Variants in CHD5 observed in about 807,000 individuals in gnomAD.
CHD5 encodes chromodomain helicase DNA binding protein 5, also known as ATP-dependent chromatin remodeler CHD5.
A neutral mutation model predicts 230.3 loss-of-function variants in CHD5; 69 were observed. The observed-to-expected ratio is 0.30, with a 90% confidence interval of 0.25 to 0.37. The LOEUF (loss-of-function observed/expected upper bound fraction) is 0.37, where lower values mean the gene tolerates loss of function less well. Ranked by LOEUF, CHD5 falls within the 10% of genes least tolerant of loss-of-function variation. The pLI is 1.00. For missense variants in CHD5, 1,827 were observed against 2,622.8 expected, an observed-to-expected ratio of 0.70 and a Z score of 6.63; for synonymous variants, 1,064 against 1,065.9, an observed-to-expected ratio of 1.00 and a Z score of 0.03.
intron 20 of CHD5, among the ~76,000 whole-genome samples, chr1:6,132,989 G>C (rs895672853): frequency 6.6e-6 from 1 of 151,600 alleles, no homozygotes; most frequent in Non-Finnish European, 1.5e-5. Flanking sequence ...TGAACTCCTG[G>C]GCTCAAGCAA....
rs539228872 is a variant in CHD5, at chr1:6,105,958, C to T, written c.*46+276G>A. ...ATGTGTGCAAATGAGAACACATGTG[C>T]ACACACAGGAGCTCACCCAAGTCCA... On this transcript the variant is annotated intron_variant, in intron 41 of 41. Coordinates refer to ENST00000262450, the MANE Select transcript of CHD5 (RefSeq NM_015557.3). This position sits in a 1 kb window ranked among gnomAD's most constrained non-coding sequence, Gnocchi z 4.8. Among the ~76,000 whole-genome samples, 1 of 152,262 alleles carries T rather than the reference C, an allele frequency of 6.6e-6. No homozygotes were observed. Among genetic ancestry groups the T allele is most frequent in the East Asian group, 1.9e-4 (1 of 5,178 alleles).
Position 6,154,358 on chromosome 1 carries a change from C to T in CHD5, c.745+302G>A, listed in dbSNP as rs1289721513. On this transcript the variant is annotated intron_variant, in intron 5 of 41. Transcript: ENST00000262450. The surrounding 1 kb of genome is among the most constrained non-coding windows in gnomAD (Gnocchi z 7.0). Reference sequence around the variant, plus strand: ...CTGCGTACCTCTGGTCCCGCCCTCCCTCCAGGCCCACGTCGGGGGCACCTC... The same window carrying T: ...CTGCGTACCTCTGGTCCCGCCCTCCTTCCAGGCCCACGTCGGGGGCACCTC... Among the ~76,000 whole-genome samples the T allele has an allele frequency of 6.6e-6, 1 of 152,216 alleles. No homozygotes were observed. The highest frequency in any genetic ancestry group is 2.4e-5 in the African/African-American group (1 of 41,458).
chr1:6,125,671 G>C lies in CHD5; in HGVS notation c.4172-59C>G. 1.2e-6 allele frequency: 2 copies of C among 1,604,072 alleles called. No individual in the cohort carries two copies. Among genetic ancestry groups the C allele is most frequent in the Non-Finnish European group, 1.7e-6 (2 of 1,171,016 alleles). On this transcript the variant is annotated intron_variant, in intron 27 of 41. Transcript: ENST00000262450. This position sits in a 1 kb window ranked among gnomAD's most constrained non-coding sequence, Gnocchi z 6.7. ...GAGCCCAGAGATTCCTGATCCCCAA[G>C]GACAGCGGGACCCCAGACCAGCCCC...
At chr1:6,133,515 A>G (rs1329162056) in intron 20 of CHD5, among the ~76,000 whole-genome samples, 1 of 152,252 alleles carries the variant, frequency 6.6e-6, no homozygotes, top group African/African-American at 2.4e-5. Flanking sequence ...TTTTAGCCCC[A>G]TGACCCTGTA....
At chr1:6,111,731 A>C (rs758786853) in intron 36 of CHD5, 44 bp downstream of exon 36, 1 of 1,507,798 alleles carries the variant, frequency 6.6e-7, no homozygotes, top group Admixed American at 1.7e-5. Flanking sequence ...AGGTCCACGG[A>C]GGAACGGGCA....
chr1:6,105,932 CAT>C lies in CHD5; in HGVS notation c.*46+300_*46+301del, dbSNP rs1666155955. On this transcript the variant is annotated intron_variant, in intron 41 of 41. Coordinates refer to ENST00000262450, the MANE Select transcript of CHD5 (RefSeq NM_015557.3). This position sits in a 1 kb window ranked among gnomAD's most constrained non-coding sequence, Gnocchi z 4.8. ...AGCAGTCTCTGACTTCCGCTGGGAACATGTGTGCAAATGAGAACACATGTGCA... is the reference window on the plus strand; with the variant it reads ...AGCAGTCTCTGACTTCCGCTGGGAACGTGTGCAAATGAGAACACATGTGCA... Among the ~76,000 whole-genome samples, 1 of 152,050 alleles carries C rather than the reference CAT, an allele frequency of 6.6e-6. No individual in the cohort carries two copies. Among genetic ancestry groups the C allele is most frequent in the Non-Finnish European group, 1.5e-5 (1 of 67,980 alleles).
At chr1:6,170,472 T>G (rs1667319913) in intron 1 of CHD5, among the ~76,000 whole-genome samples, 2 of 152,112 alleles carry the variant, frequency 1.3e-5, no homozygotes, top group Admixed American at 1.3e-4. Context: ...CTCCCACCCT[T>G]GCATCCCACG....
In CHD5 at chr1:6,146,162, A is replaced by G. The variant is rs767374224; in HGVS notation, c.1802+50T>C. 6.3e-7 allele frequency: 1 copy of G among 1,581,210 alleles called. No homozygotes were observed. The highest frequency in any genetic ancestry group is 1.1e-5 in the South Asian group (1 of 89,190). On this transcript the variant is annotated intron_variant, in intron 11 of 41. Coordinates refer to ENST00000262450, the MANE Select transcript of CHD5 (RefSeq NM_015557.3). The surrounding 1 kb of genome is among the most constrained non-coding windows in gnomAD (Gnocchi z 5.1). The stretch of plus-strand genomic sequence containing the variant: ...CCCATTTTACAGGGCAAAGAAGCTG[A>G]CGTGGCCCGGCCCCAGCGATGGGCA...
At position 6,155,731 on chromosome 1, in the gene CHD5, G is replaced by C; in HGVS notation, c.388-14C>G. The C allele has an allele frequency of 1.9e-6, 3 of 1,608,390 alleles. No individual in the cohort carries two copies. The South Asian group carries it at 3.3e-5, about 18-fold the overall frequency. ...GGACTTGGGCTCCTACAGAGACCCA[G>C]GCCAGAGGTAGAGTTGTTGAGGGGC... On this transcript the variant is annotated splice_polypyrimidine_tract_variant and intron_variant, in intron 3 of 41. Coordinates refer to ENST00000262450, the MANE Select transcript of CHD5 (RefSeq NM_015557.3). This position sits in a 1 kb window ranked among gnomAD's most constrained non-coding sequence, Gnocchi z 4.0.
chr1:6,121,274 G>A lies in CHD5; in HGVS notation c.4780-37C>T. 1 of 1,590,952 alleles carries A rather than the reference G, an allele frequency of 6.3e-7. No homozygotes were observed. Among genetic ancestry groups the A allele is most frequent in the Non-Finnish European group, 8.5e-7 (1 of 1,171,020 alleles). Reference sequence around the variant, plus strand: ...AAGCCAGGAGAACTACAAGGCCTGGGGCCTCACCAGGAACGGAGGGCGGGG... The same window carrying A: ...AAGCCAGGAGAACTACAAGGCCTGGAGCCTCACCAGGAACGGAGGGCGGGG... On this transcript the variant is annotated intron_variant, in intron 32 of 41. Coordinates refer to ENST00000262450, the MANE Select transcript of CHD5 (RefSeq NM_015557.3). This position sits in a 1 kb window ranked among gnomAD's most constrained non-coding sequence, Gnocchi z 4.5.
chr1:6,109,133 G>A (rs1366087562), intron 38 of CHD5, among the ~76,000 whole-genome samples: 2 of 152,068 alleles, frequency 1.3e-5, no homozygotes, highest in Non-Finnish European at 2.9e-5. Context: ...AAGGGCCCAC[G>A]GGCTGCAGAC....
intron 30 of CHD5, 90 bp from the exon 31 acceptor site, chr1:6,124,197 G>T: frequency 2.4e-6 from 3 of 1,257,562 alleles, no homozygotes; most frequent in Non-Finnish European, 3.3e-6. Context: ...CAGGGGGGCT[G>T]AAAGTGTCAC....
chr1:6,174,560 CGGATGGTGGATGGGTGGATAGTGGAT>C (rs1161871337), intron 1 of CHD5, among the ~76,000 whole-genome samples: 3 of 118,992 alleles, frequency 2.5e-5, no homozygotes, highest in African/African-American at 1.1e-4. Context: ...GGACACTGGA[CGGATGGTGGATGGGTGGATAGTGGAT>C]GGATGGTGGA....
At chr1:6,135,141 A>C in intron 18 of CHD5, 89 bp downstream of exon 18, 1 of 1,456,654 alleles carries the variant, frequency 6.9e-7, no homozygotes, top group South Asian at 1.1e-5. Flanking sequence ...GAGGCTGAAG[A>C]GCCCTCCGCC....
In CHD5 at chr1:6,125,384, C is replaced by T. The variant is rs1571146285; in HGVS notation, c.4260+140G>A. On this transcript the variant is annotated intron_variant, in intron 28 of 41. Coordinates refer to ENST00000262450, the MANE Select transcript of CHD5 (RefSeq NM_015557.3). This position sits in a 1 kb window ranked among gnomAD's most constrained non-coding sequence, Gnocchi z 6.7. The stretch of plus-strand genomic sequence containing the variant: ...GCCTCCACCTGGGGCAGGACCCTGA[C>T]GGCGAAGACCAGACCAAGTTCTGTC... The T allele has an allele frequency of 1.3e-5, 16 of 1,216,556 alleles. No individual in the cohort carries two copies. Among genetic ancestry groups the T allele is most frequent in the Middle Eastern group, 4.7e-4 (2 of 4,240 alleles). 75.4% of individuals were successfully genotyped at this position (1,216,556 alleles called of 1,614,324 possible).
chr1:6,102,133 G>T lies in CHD5; in HGVS notation c.*3341C>A. ...AACTCAGACCCCACGGGCCAGTGGG[G>T]ACCCTCCCTTCCTCTCCAGGGGTGC... On this transcript the variant is annotated 3_prime_UTR_variant, in exon 42 of 42. Coordinates refer to ENST00000262450, the MANE Select transcript of CHD5 (RefSeq NM_015557.3). The T allele has an allele frequency of 3.2e-6, 1 of 314,010 alleles. No homozygotes were observed. 19.5% of individuals were successfully genotyped at this position (314,010 alleles called of 1,614,324 possible).
intron 7 of CHD5, among the ~76,000 whole-genome samples, chr1:6,150,626 A>AGGGAAGGAGG (rs1239161097): frequency 6.6e-6 from 1 of 151,920 alleles, no homozygotes; most frequent in Non-Finnish European, 1.5e-5. Flanking sequence ...GAAGGGACTG[A>AGGGAAGGAGG]GGGAAGGAGG....
At chr1:6,107,293 G>A (rs1666197552) in intron 38 of CHD5, among the ~76,000 whole-genome samples, 1 of 144,968 alleles carries the variant, frequency 6.9e-6, no homozygotes, top group African/African-American at 2.6e-5. Context: ...TGGGATGGCG[G>A]AGTGGAGAGA....
chr1:6,138,582 C>G (rs1322907292), intron 15 of CHD5, among the ~76,000 whole-genome samples: 1 of 152,214 alleles, frequency 6.6e-6, no homozygotes, highest in Non-Finnish European at 1.5e-5. Flanking sequence ...GCCGAGGATG[C>G]CGTGCAGCAT....
Sources: allele counts gnomAD v4.1 joint callset (sites outside exome capture counted in the v4.1 genomes callset), GRCh38; gene constraint gnomAD v4.1.1; non-coding constraint Gnocchi (gnomAD v3.1); transcripts MANE v1.5; gene names NCBI Gene and HGNC (gene_info 2026-07-23, HGNC 2026-07-21).